The following NOTCH3 variants were observed in gnomAD, a reference collection of about 807,000 sequenced individuals.
NOTCH3 encodes the protein notch receptor 3.
In NOTCH3, 86 loss-of-function variants were observed where a neutral mutation model predicts 213.3. The observed-to-expected ratio is 0.40, with a 90% CI of 0.34 to 0.48. The LOEUF is 0.48. Ranked by LOEUF, NOTCH3 falls within the 20% of genes least tolerant of loss-of-function variation. The probability of loss-of-function intolerance (pLI) is 0.57; values close to 1 mark genes in which losing one functional copy is unlikely to be tolerated. For missense variants in NOTCH3, 2,783 were observed against 3,272.6 expected (o/e 0.85, Z 3.65); for synonymous variants, 1,354 against 1,355.9 (o/e 1.00, Z 0.03).
At chr19:15,186,009 C>T (rs1310824011) in intron 12 of NOTCH3, among the ~76,000 whole-genome samples, 9 of 151,906 alleles carry the variant, frequency 5.9e-5, no homozygotes, top group Admixed American at 5.3e-4. Context: ...TGGGCTCAAG[C>T]GATTCTCCCA....
intron 2 of NOTCH3, among the ~76,000 whole-genome samples, chr19:15,193,167 A>G (rs1445324907): frequency 6.6e-6 from 1 of 152,168 alleles, no homozygotes; most frequent in Non-Finnish European, 1.5e-5. Flanking sequence ...CAGCCCCTGA[A>G]AAGATGACAT....
intron 17 of NOTCH3, 52 bp downstream of exon 17, chr19:15,181,524 A>C: frequency 7.5e-6 from 11 of 1,471,974 alleles, no homozygotes; most frequent in Non-Finnish European, 1.0e-5. Context: ...CCCAGGTCCC[A>C]GGCCCCATCC....
chr19:15,166,221 C>T lies in NOTCH3; in HGVS notation c.5363-130G>A. The T allele has an allele frequency of 4.0e-6, 3 of 748,570 alleles. 1 individual carries two copies. The South Asian group carries it at 4.7e-5, about 12-fold the overall frequency. The allele number at this position is 748,570 out of a possible 1,614,324, so 46.4% of individuals were successfully genotyped here. A position where few individuals can be genotyped will look rare whatever the true frequency, so the allele number is the denominator to read the frequency against. ...GACAATTAGCAGATCCTCCTGTCTG[C>T]ACACCCACACCCAGAATGAGGATTC... On this transcript the variant is annotated intron_variant, in intron 29 of 32. Transcript: ENST00000263388.
At chr19:15,195,802 G>A (rs1350651718) in intron 2 of NOTCH3, among the ~76,000 whole-genome samples, 5 of 151,496 alleles carry the variant, frequency 3.3e-5, no homozygotes, top group Non-Finnish European at 3.0e-5. Context: ...GCCCCCTCCC[G>A]ACGCCCCGGG....
At chr19:15,163,235 A>T (rs1297645282) in intron 31 of NOTCH3, among the ~76,000 whole-genome samples, 1 of 152,234 alleles carries the variant, frequency 6.6e-6, no homozygotes, top group Non-Finnish European at 1.5e-5. Flanking sequence ...TAAATTTAAT[A>T]AAATAGGTGC....
In NOTCH3 at chr19:15,178,107, G is replaced by C; in HGVS notation, c.3838-17C>G. On this transcript the variant is annotated splice_polypyrimidine_tract_variant and intron_variant, in intron 23 of 32. Coordinates refer to ENST00000263388, the MANE Select transcript of NOTCH3 (RefSeq NM_000435.3). Reference sequence around the variant, plus strand: ...CCAGAACGGCTGGGGGTCGGGTTTGGGGAGGGAGGGATAAAAATGAGGGTG... The same window carrying C: ...CCAGAACGGCTGGGGGTCGGGTTTGCGGAGGGAGGGATAAAAATGAGGGTG... 6.7e-7 allele frequency: 1 copy of C among 1,498,298 alleles called. No individual in the cohort carries two copies. The highest frequency in any genetic ancestry group is 8.9e-7 in the Non-Finnish European group (1 of 1,121,034). The allele number at this position is 1,498,298 out of a possible 1,614,324, so 92.8% of individuals were successfully genotyped here.
intron 24 of NOTCH3, among the ~76,000 whole-genome samples, chr19:15,175,909 A>G (rs1293400671): frequency 6.6e-6 from 1 of 151,214 alleles, no homozygotes; most frequent in African/African-American, 2.4e-5. Flanking sequence ...GGATGTGGAG[A>G]TTAAGGGGGT....
intron 29 of NOTCH3, among the ~76,000 whole-genome samples, chr19:15,166,952 T>C (rs956902213): frequency 9.5e-4 from 26 of 27,490 alleles, no homozygotes; most frequent in Non-Finnish European, 1.8e-3. Context: ...TCCTGAGACT[T>C]TTCTGGAGCA....
rs2046807048 is a variant in NOTCH3, at chr19:15,178,020, GGGACGCCC to G, written c.3900_3907del (p.Gly1301MetfsTer259). The G allele has an allele frequency of 6.7e-7, 1 of 1,499,966 alleles. No homozygotes were observed. The highest frequency in any genetic ancestry group is 2.1e-5 in the Admixed American group (1 of 48,252). The allele number at this position is 1,499,966 out of a possible 1,614,324, so 92.9% of individuals were successfully genotyped here. On this transcript the variant is annotated frameshift_variant, in exon 24 of 33. Coordinates refer to ENST00000263388, the MANE Select transcript of NOTCH3 (RefSeq NM_000435.3). LOFTEE classifies it high-confidence loss of function. ...CGGCCCGCGGGGCGTCTGCTGGCAT[GGGACGCCC>G]ACCGGGCACTGCAGCTCCCGGCAGG...
rs1416067858 is a variant in NOTCH3 at position 15,192,120 on chromosome 19, G to T, written c.519C>A (p.Thr173=). ...RVGEPCRHGG[T]CLNTPGSFRC... ...GGAAGGAGCCAGGTGTGTTGAGGCA[G>T]GTGCCACCATGGCGGCAGGGCTCAC... is the stretch of plus-strand genomic sequence containing the variant. The change falls in exon 4 of 33, where the codon ACC becomes ACA. Residue 173 remains threonine, a synonymous_variant. Coordinates refer to ENST00000263388, the MANE Select transcript of NOTCH3 (RefSeq NM_000435.3). The T allele has an allele frequency of 6.2e-7, 1 of 1,613,118 alleles. No homozygotes were observed. The highest frequency in any genetic ancestry group is 8.5e-7 in the Non-Finnish European group (1 of 1,180,026).
At position 15,193,800 on chromosome 19, in the gene NOTCH3, C is replaced by T. The variant is rs577700216; in HGVS notation, c.198-1281G>A. On this transcript the variant is annotated intron_variant, in intron 2 of 32. Coordinates refer to ENST00000263388, the MANE Select transcript of NOTCH3 (RefSeq NM_000435.3). The stretch of plus-strand genomic sequence containing the variant: ...AAAAACAAAAAACAAAAAAAACAAA[C>T]AGGCCAGGCGCAGTGGCTCATGCCT... 6.7e-3 allele frequency among the ~76,000 whole-genome samples: 797 copies of T among 118,706 alleles called. 18 individuals are homozygous for T. Among genetic ancestry groups the T allele is most frequent in the African/African-American group, 0.023 (761 of 32,604 alleles). 77.9% of individuals were successfully genotyped at this position (118,706 alleles called of 152,430 possible). A position where few individuals can be genotyped will look rare whatever the true frequency, so the allele number is the denominator to read the frequency against.
chr19:15,165,594 T>G lies in NOTCH3; in HGVS notation c.5668-79A>C. ...AGGAGCACCCCTAAGTCCCATGAAGTCCCCAACCCCCATACCCCAACCCCT... is the reference window on the plus strand; with the variant it reads ...AGGAGCACCCCTAAGTCCCATGAAGGCCCCAACCCCCATACCCCAACCCCT... On this transcript the variant is annotated intron_variant, in intron 30 of 32. Transcript: ENST00000263388. The surrounding 1 kb of genome is among the most constrained non-coding windows in gnomAD (Gnocchi z 4.7). The G allele has an allele frequency of 6.8e-7, 1 of 1,469,690 alleles. No individual in the cohort carries two copies. The highest frequency in any genetic ancestry group is 9.2e-7 in the Non-Finnish European group (1 of 1,085,220). 91.0% of individuals were successfully genotyped at this position (1,469,690 alleles called of 1,614,324 possible).
intron 28 of NOTCH3, among the ~76,000 whole-genome samples, chr19:15,168,997 T>A (rs1289394344): frequency 6.6e-6 from 1 of 151,880 alleles, no homozygotes; most frequent in Non-Finnish European, 1.5e-5. Context: ...CACTGCAGGC[T>A]CCAACTCCTG....
At position 15,178,807 on chromosome 19, in the gene NOTCH3, C is replaced by A. The variant is rs776162777; in HGVS notation, c.3837+16G>T. 6 of 1,570,282 alleles carry A rather than the reference C, an allele frequency of 3.8e-6. No individual in the cohort carries two copies. In the Admixed American group the frequency reaches 7.3e-5, roughly 19 times the overall value. On this transcript the variant is annotated intron_variant, in intron 23 of 32. Transcript: ENST00000263388. ...ACGCCCCTACTCCTCCTCCAAAGGC[C>A]GCCACCCACACCTACCTGGGCACAG...
intron 12 of NOTCH3, among the ~76,000 whole-genome samples, chr19:15,186,616 G>A (rs138425050): frequency 0.014 from 2,171 of 152,188 alleles, 26 homozygotes; most frequent in Middle Eastern, 0.034. Context: ...CGTTGGCCAC[G>A]CTGGTCTCGA....
At position 15,187,096 on chromosome 19, in the gene NOTCH3, C is replaced by T. The variant is rs752066482; in HGVS notation, c.1840+9G>A. 1.5e-5 allele frequency: 24 copies of T among 1,612,416 alleles called. 1 individual carries two copies. The highest frequency in any genetic ancestry group is 8.8e-5 in the South Asian group (8 of 90,836). On this transcript the variant is annotated intron_variant, in intron 11 of 32. Coordinates refer to ENST00000263388, the MANE Select transcript of NOTCH3 (RefSeq NM_000435.3). ...GGTGTGCTGTTTCTGCCCCAGCCCC[C>T]GGTCCCACCTGTGGTCCCAGAAGGG...
intron 2 of NOTCH3, among the ~76,000 whole-genome samples, chr19:15,197,083 C>G (rs2046974799): frequency 6.6e-6 from 1 of 152,100 alleles, no homozygotes; most frequent in African/African-American, 2.4e-5. Context: ...TCCCCCTCCA[C>G]TAAATGTTGA....
Position 15,183,961 on chromosome 19 carries a change from T to C in NOTCH3, c.2566+334A>G, listed in dbSNP as rs1325675474. ...CAGCCACTGGGGAGGCTGAGGTGCT[T>C]GAGCCCAGAAGGCAGAGGTTGCAGT... is the stretch of plus-strand genomic sequence containing the variant. On this transcript the variant is annotated intron_variant, in intron 16 of 32. Coordinates refer to ENST00000263388, the MANE Select transcript of NOTCH3 (RefSeq NM_000435.3). Among the ~76,000 whole-genome samples the C allele has an allele frequency of 7.6e-5, 11 of 145,144 alleles. No homozygotes were observed. In the Admixed American group the frequency reaches 8.1e-4, roughly 11 times the overall value.
At position 15,174,304 on chromosome 19, in the gene NOTCH3, A is replaced by C. The variant is rs2046768582; in HGVS notation, c.4500T>G (p.Cys1500Trp). 1 of 1,556,170 alleles carries C rather than the reference A, an allele frequency of 6.4e-7. No homozygotes were observed. Among genetic ancestry groups the C allele is most frequent in the Non-Finnish European group, 8.7e-7 (1 of 1,151,448 alleles). ...CCAGCAGGGCCGGCACCTCGCTGGC[A>C]CAATCCAGCCCATCCCAGCCGCACT... ...TEECGWDGLD[C>W]ASEVPALLAR... Residue 1500 changes from cysteine (C) to tryptophan (W), a missense_variant, in exon 25 of 33, where the codon TGT becomes TGG. Cys to Trp is a radical substitution (Grantham distance 215). Around this residue, in one of 6 missense-constraint regions of NOTCH3, gnomAD observed 636 missense variants for 801.8 expected, o/e 0.79. Transcript: ENST00000263388.
Sources: gnomAD v4.1 joint callset for allele counts (sites outside exome capture counted in the v4.1 genomes callset) on GRCh38, gnomAD v4.1.1 for gene constraint, gnomAD v4.1.1 regional missense constraint, Gnocchi (gnomAD v3.1) non-coding constraint, MANE v1.5 for transcripts, NCBI Gene and HGNC (gene_info 2026-07-23, HGNC 2026-07-21) for gene names.